Variants in ZNF318 observed in about 807,000 individuals in gnomAD.
ZNF318 encodes the protein endocrine regulator.
In ZNF318, 51 loss-of-function variants were observed where a neutral mutation model predicts 124.2. The observed-to-expected ratio is 0.41, with a 90% CI of 0.33 to 0.52. ZNF318 has a LOEUF of 0.52. Ranked by LOEUF, ZNF318 falls within the 20% of genes least tolerant of loss-of-function variation. ZNF318 has a pLI of 0.23. For missense variants in ZNF318, 2,815 were observed against 2,811.2 expected, an observed-to-expected ratio of 1.00 and a Z score of -0.03; for synonymous variants, 1,090 against 1,040.7, an observed-to-expected ratio of 1.05 and a Z score of -0.91.
intron 5 of ZNF318, among the ~76,000 whole-genome samples, chr6:43,350,584 T>A (rs1005363459): frequency 1.6e-4 from 25 of 152,012 alleles, no homozygotes; most frequent in Non-Finnish European, 3.4e-4. Context: ...ATGCCTGTAA[T>A]CCTAGCACTT....
intron 1 of ZNF318, 56 bp from the exon 2 acceptor site, chr6:43,365,496 C>T (rs1779749140): frequency 6.4e-7 from 1 of 1,555,830 alleles, no homozygotes; most frequent in African/African-American, 1.4e-5. Context: ...TCCCTACATC[C>T]AAAAACTCTC....
In ZNF318 at chr6:43,355,242, A is replaced by G. The variant is rs1779587224; in HGVS notation, c.2092T>C (p.Ser698Pro). 2 of 1,614,124 alleles carry G rather than the reference A, an allele frequency of 1.2e-6. No homozygotes were observed. Residue 698 changes from serine to proline, a missense_variant, in exon 4 of 10, where the codon TCT becomes CCT. By Grantham distance (74) the Ser-to-Pro change is moderately conservative. This residue lies in a region of ZNF318 where 1,377 missense variants were observed against 1,353.5 expected (regional missense o/e 1.02). Transcript: ENST00000361428. ...GTGAGCAGGTAAGGATCCACAGGAGAAGGTGGGTGTGGATGGGACACCTCT... is the reference window on the plus strand; with the variant it reads ...GTGAGCAGGTAAGGATCCACAGGAGGAGGTGGGTGTGGATGGGACACCTCT... ...SPEVSHPHPP[S>P]PVDPYLLTKN...
chr6:43,351,879 G>A (rs1005252353), intron 5 of ZNF318, among the ~76,000 whole-genome samples: 7 of 152,246 alleles, frequency 4.6e-5, no homozygotes, highest in South Asian at 2.1e-4. Context: ...GGGAGCTCAC[G>A]CCTGTAATCC....
rs774020529 is a variant in ZNF318 at position 43,340,414 on chromosome 6, C to T, written c.3584G>A (p.Arg1195Gln). ...GLAVVLETER[R>Q]RQSELKRKLS... is the part of the protein sequence containing the mutation. Reference sequence around the variant, plus strand: ...TTTGCGCTTTAGCTCACTCTGCCGTCGCCGTTCTGTCTCTAGGACCACAGC... The same window carrying T: ...TTTGCGCTTTAGCTCACTCTGCCGTTGCCGTTCTGTCTCTAGGACCACAGC... The change falls in exon 10 of 10, where the codon CGA becomes CAA. Residue 1195 changes from arginine (R) to glutamine (Q), a missense_variant. By Grantham distance (43) the Arg-to-Gln change is conservative (BLOSUM62 1). Coordinates refer to ENST00000361428, the MANE Select transcript of ZNF318 (RefSeq NM_014345.3). 4.3e-6 allele frequency: 7 copies of T among 1,614,130 alleles called. No individual in the cohort carries two copies. In the South Asian group the frequency reaches 5.5e-5, roughly 13 times the overall value.
intron 3 of ZNF318, among the ~76,000 whole-genome samples, chr6:43,356,652 A>C (rs1212653591): frequency 6.6e-6 from 1 of 152,196 alleles, no homozygotes; most frequent in African/African-American, 2.4e-5. Context: ...ATCAAGGCTC[A>C]GAATGGTGAG....
chr6:43,336,630 G>A lies in ZNF318; in HGVS notation c.*528C>T, dbSNP rs1316427382. ...CACGCTGCATTTCAAACAATGTTAA[G>A]GCAGGCCCATCCAAATGGAAGCCTA... On this transcript the variant is annotated 3_prime_UTR_variant, in exon 10 of 10. Coordinates refer to ENST00000361428, the MANE Select transcript of ZNF318 (RefSeq NM_014345.3). 6.6e-6 allele frequency: 1 copy of A among 152,506 alleles called. No individual in the cohort carries two copies. Among genetic ancestry groups the A allele is most frequent in the Non-Finnish European group, 1.5e-5 (1 of 68,080 alleles). 9.4% of individuals were successfully genotyped at this position (152,506 alleles called of 1,614,324 possible). A position where few individuals can be genotyped will look rare whatever the true frequency, so the allele number is the denominator to read the frequency against.
rs35590419 is a variant in ZNF318, at chr6:43,338,238, C to T, written c.5760G>A (p.Gly1920=). 2.3e-4 allele frequency: 368 copies of T among 1,614,116 alleles called. 1 individual carries two copies. The African/African-American group carries it at 4.3e-3, about 19-fold the overall frequency. ...EQGVSVVSEE[G]LENSAPESAS... ...CTGATTCTGGAGCTGAATTCTCTAG[C>T]CCCTCCTCACTAACAACTGAAACTC... Residue 1920 remains glycine, a synonymous_variant, in exon 10 of 10, where the codon GGG becomes GGA. Coordinates refer to ENST00000361428, the MANE Select transcript of ZNF318 (RefSeq NM_014345.3).
At chr6:43,360,109 C>T (rs1779660932) in intron 2 of ZNF318, among the ~76,000 whole-genome samples, 1 of 152,158 alleles carries the variant, frequency 6.6e-6, no homozygotes, top group Admixed American at 6.5e-5. Context: ...CACACTCCCA[C>T]ATTCAGCTCC....
intron 3 of ZNF318, among the ~76,000 whole-genome samples, chr6:43,356,427 C>T (rs1247770536): frequency 3.9e-5 from 6 of 152,004 alleles, no homozygotes; most frequent in Admixed American, 1.3e-4. Context: ...TTTAGAGATC[C>T]CCTAGCTTGT....
In ZNF318 at chr6:43,339,679, A is replaced by G. The variant is rs779769930; in HGVS notation, c.4319T>C (p.Ile1440Thr). The G allele has an allele frequency of 3.7e-6, 6 of 1,613,398 alleles. No individual in the cohort carries two copies. In the African/African-American group the frequency reaches 6.7e-5, roughly 18 times the overall value. The change falls in exon 10 of 10, where the codon ATA becomes ACA. Residue 1440 changes from isoleucine (I) to threonine (T), a missense_variant. By Grantham distance (89) the Ile-to-Thr change is moderately conservative (BLOSUM62 -1). This residue lies in a region of ZNF318 where 500 missense variants were observed against 605.2 expected (regional missense o/e 0.83). Coordinates refer to ENST00000361428, the MANE Select transcript of ZNF318 (RefSeq NM_014345.3). This position sits in a 1 kb window ranked among gnomAD's most constrained non-coding sequence, Gnocchi z 4.2. ...KSEPSHLPEQ[I>T]LPPPPPPPPP... ...TGGGGGTGGTGGAGGAGGTGGTAGT[A>G]TTTGTTCAGGTAAATGAGATGGCTC...
intron 6 of ZNF318, among the ~76,000 whole-genome samples, chr6:43,346,407 G>C (rs552693502): frequency 6.6e-6 from 1 of 151,820 alleles, no homozygotes; most frequent in African/African-American, 2.4e-5. Flanking sequence ...CTTGAACCTG[G>C]GAGGCGGAGG....
In ZNF318 at chr6:43,355,525, A is replaced by C. The variant is rs41275954; in HGVS notation, c.1809T>G (p.Ile603Met). The C allele has an allele frequency of 5.9e-5, 96 of 1,614,202 alleles. No individual in the cohort carries two copies. The highest frequency in any genetic ancestry group is 7.5e-5 in the Non-Finnish European group (88 of 1,180,042). ...CCAATTGACTAATCTCTGCTACTCC[A>C]ATATCCAGCCCTATTGTCTTGAGCA... is the stretch of plus-strand genomic sequence containing the variant. ...HDLLKTIGLD[I>M]GVAEISQLAA... The change falls in exon 4 of 10, where the codon ATT becomes ATG. Residue 603 changes from isoleucine (I) to methionine (M), a missense_variant. Transcript: ENST00000361428.
At chr6:43,360,484 A>G (rs1430307137) in intron 2 of ZNF318, among the ~76,000 whole-genome samples, 1 of 152,188 alleles carries the variant, frequency 6.6e-6, no homozygotes, top group Non-Finnish European at 1.5e-5. Context: ...GTTTTCTAAA[A>G]TAAAGTCTAT....
Position 43,340,049 on chromosome 6 carries a change from C to G in ZNF318, c.3949G>C (p.Ala1317Pro). Residue 1317 changes from alanine (A) to proline (P), a missense_variant, in exon 10 of 10, where the codon GCA becomes CCA. Physicochemically the swap from Ala to Pro is conservative, Grantham distance 27 (BLOSUM62 -1). Coordinates refer to ENST00000361428, the MANE Select transcript of ZNF318 (RefSeq NM_014345.3). Reference sequence around the variant, plus strand: ...GAGAGCTTGATTTTGATAGGCTTTGCCTTCCCAGCTTCAGTTTTGCCATCC... The same window carrying G: ...GAGAGCTTGATTTTGATAGGCTTTGGCTTCCCAGCTTCAGTTTTGCCATCC... The part of the protein sequence containing the change: ...KEDGKTEAGK[A>P]KPIKIKLSGK... 3 of 1,614,160 alleles carry G rather than the reference C, an allele frequency of 1.9e-6. No homozygotes were observed. In the South Asian group the frequency reaches 3.3e-5, roughly 18 times the overall value.
In ZNF318 at chr6:43,354,912, A is replaced by T; in HGVS notation, c.2422T>A (p.Ser808Thr). Residue 808 changes from serine to threonine, a missense_variant, in exon 4 of 10, where the codon TCT becomes ACT. Physicochemically the swap from Ser to Thr is moderately conservative, Grantham distance 58. Around this residue, in one of 4 missense-constraint regions of ZNF318, gnomAD observed 1,377 missense variants for 1,353.5 expected, o/e 1.02. Transcript: ENST00000361428. Reference protein sequence around the residue: ...AASRWPMYPTSQPSNHPVPEP... With the variant: ...AASRWPMYPTTQPSNHPVPEP... ...GGTACAGGGTGGTTTGACGGTTGAGAGGTGGGATACATGGGCCATCTGGAG... is the reference window on the plus strand; with the variant it reads ...GGTACAGGGTGGTTTGACGGTTGAGTGGTGGGATACATGGGCCATCTGGAG... The T allele has an allele frequency of 6.2e-7, 1 of 1,612,466 alleles. No individual in the cohort carries two copies. Among genetic ancestry groups the T allele is most frequent in the Non-Finnish European group, 8.5e-7 (1 of 1,178,922 alleles).
intron 8 of ZNF318, among the ~76,000 whole-genome samples, chr6:43,341,761 T>C (rs1449499380): frequency 2.6e-5 from 4 of 152,216 alleles, no homozygotes; most frequent in African/African-American, 9.6e-5. Flanking sequence ...TAGTTCTTAG[T>C]TGAAAAGGCA....
rs1779744553 is a variant in ZNF318, at chr6:43,365,301, T to A, written c.539A>T (p.Asp180Val). ...RLGSPVDNLE[D>V]MDRDDLTDDS... The stretch of plus-strand genomic sequence containing the variant: ...CTTAGGTGATGCCTACCTGTCCATG[T>A]CTTCCAGATTATCCACTGGTGACCC... Residue 180 changes from aspartate (D) to valine (V), a missense_variant, in exon 2 of 10, where the codon GAC becomes GTC. Asp to Val is a radical substitution (Grantham distance 152, BLOSUM62 -3). This residue lies in a region of ZNF318 where 1,377 missense variants were observed against 1,353.5 expected (regional missense o/e 1.02). Coordinates refer to ENST00000361428, the MANE Select transcript of ZNF318 (RefSeq NM_014345.3). 1.9e-6 allele frequency: 3 copies of A among 1,614,026 alleles called. No homozygotes were observed. Among genetic ancestry groups the A allele is most frequent in the Non-Finnish European group, 2.5e-6 (3 of 1,179,902 alleles).
Position 43,367,152 on chromosome 6 carries a change from A to G in ZNF318, c.400-1712T>C, listed in dbSNP as rs182173840. 1.3e-3 allele frequency among the ~76,000 whole-genome samples: 204 copies of G among 152,258 alleles called. 1 individual carries two copies. Among genetic ancestry groups the G allele is most frequent in the African/African-American group, 4.7e-3 (197 of 41,558 alleles). On this transcript the variant is annotated intron_variant, in intron 1 of 9. Coordinates refer to ENST00000361428, the MANE Select transcript of ZNF318 (RefSeq NM_014345.3). ...GGCGTGAGCCACCGCGCCCGGCCCTATTTTAGTACTTCTTAGTCCTTCTTA... is the reference window on the plus strand; with the variant it reads ...GGCGTGAGCCACCGCGCCCGGCCCTGTTTTAGTACTTCTTAGTCCTTCTTA...
intron 5 of ZNF318, among the ~76,000 whole-genome samples, chr6:43,349,676 G>A (rs1195101832): frequency 6.6e-6 from 1 of 152,112 alleles, no homozygotes; most frequent in African/African-American, 2.4e-5. Flanking sequence ...CATACTATCA[G>A]TATTTAGGAG....
Sources: allele counts gnomAD v4.1 joint callset (sites outside exome capture counted in the v4.1 genomes callset), GRCh38; gene constraint gnomAD v4.1.1; regional missense constraint gnomAD v4.1.1; non-coding constraint Gnocchi (gnomAD v3.1); transcripts MANE v1.5; gene names NCBI Gene and HGNC (gene_info 2026-07-23, HGNC 2026-07-21).